MCPH1: variants seen among roughly 807,000 people sequenced by gnomAD.
The protein encoded by MCPH1 is microcephalin 1.
In MCPH1, 104 loss-of-function variants were observed where a neutral mutation model predicts 84.5. The observed-to-expected ratio is 1.23, with a 90% CI of 1.05 to 1.45. MCPH1 has a LOEUF of 1.45. Among genes scored for constraint, MCPH1 ranks in the 40% most tolerant of loss-of-function variants. The pLI, the probability that MCPH1 is intolerant of heterozygous loss-of-function variation, is 0.00. For synonymous variants in MCPH1, 514 were observed against 366.8 expected, an observed-to-expected ratio of 1.40 and a Z score of -4.58; for missense variants, 1,498 against 1,005.7, an observed-to-expected ratio of 1.49 and a Z score of -6.62.
chr8:6,440,319 C>A (rs1803314520), intron 6 of MCPH1, among the ~76,000 whole-genome samples: 2 of 152,070 alleles, frequency 1.3e-5, no homozygotes, highest in South Asian at 2.1e-4. Flanking sequence ...ACTGTTATAA[C>A]CCCTGCATGT....
intron 12 of MCPH1, among the ~76,000 whole-genome samples, chr8:6,610,461 T>G (rs1273227598): frequency 6.6e-6 from 1 of 152,358 alleles, no homozygotes; most frequent in East Asian, 1.9e-4. Context: ...CAACTGTCAT[T>G]GCATGCTGCT....
intron 3 of MCPH1, among the ~76,000 whole-genome samples, chr8:6,418,074 A>T (rs1047706991): frequency 4.6e-5 from 7 of 152,354 alleles, no homozygotes; most frequent in Non-Finnish European, 1.0e-4. Context: ...TTCAGGGGTC[A>T]GCCAGAGACT....
At chr8:6,493,224 A>T (rs1361376884) in intron 11 of MCPH1, among the ~76,000 whole-genome samples, 1 of 152,230 alleles carries the variant, frequency 6.6e-6, no homozygotes, top group Non-Finnish European at 1.5e-5. Flanking sequence ...GCTTAGCTGT[A>T]TTTATAAAGT....
At chr8:6,532,949 G>C (rs1819806890) in intron 12 of MCPH1, among the ~76,000 whole-genome samples, 1 of 152,230 alleles carries the variant, frequency 6.6e-6, no homozygotes, top group Non-Finnish European at 1.5e-5. Context: ...ATAGACTTGA[G>C]AAGACACTCT....
At chr8:6,433,716 C>A (rs993772059) in intron 4 of MCPH1, among the ~76,000 whole-genome samples, 9 of 148,954 alleles carry the variant, frequency 6.0e-5, no homozygotes, top group African/African-American at 2.2e-4. Context: ...TTTTCCTAAT[C>A]TGAAGCATTA....
chr8:6,627,017 T>A, intron 13 of MCPH1: 1 of 985,418 alleles, frequency 1.0e-6, no homozygotes, highest in Non-Finnish European at 1.2e-6. Flanking sequence ...TCCGCCTGAT[T>A]TTCTTATAAC....
intron 9 of MCPH1, among the ~76,000 whole-genome samples, chr8:6,457,162 G>A (rs1200560715): frequency 6.6e-6 from 1 of 152,106 alleles, no homozygotes; most frequent in African/African-American, 2.4e-5. Context: ...TGCCTAACTT[G>A]CTCAAATTTA....
intron 13 of MCPH1, 25 bp from the exon 14 acceptor site, chr8:6,642,969 A>G (rs1350281825): frequency 2.5e-6 from 4 of 1,611,668 alleles, no homozygotes; most frequent in South Asian, 1.1e-5. Context: ...TATGAATGCT[A>G]AACTGCTTTT....
chr8:6,626,520 G>A, intron 13 of MCPH1: 6 of 981,340 alleles, frequency 6.1e-6, no homozygotes, highest in Non-Finnish European at 7.2e-6. Context: ...CTTGTGGGTG[G>A]TTGAACATGG....
At chr8:6,621,722 G>A (rs1443992092) in intron 13 of MCPH1, 31 bp downstream of exon 13, 3 of 1,613,716 alleles carry the variant, frequency 1.9e-6, no homozygotes, top group African/African-American at 2.7e-5. Context: ...ACGCTGTGGT[G>A]TGGTCCAGAT....
At chr8:6,521,841 A>G (rs1211998234) in intron 12 of MCPH1, among the ~76,000 whole-genome samples, 2 of 152,214 alleles carry the variant, frequency 1.3e-5, no homozygotes, top group Non-Finnish European at 2.9e-5. Context: ...AACTATTTAT[A>G]TTTTAATATT....
At chr8:6,451,250 G>A (rs1178200593) in intron 8 of MCPH1, among the ~76,000 whole-genome samples, 2 of 152,140 alleles carry the variant, frequency 1.3e-5, no homozygotes, top group African/African-American at 4.8e-5. Context: ...TTAACAGAAG[G>A]CTATTGACCA....
chr8:6,467,124 A>G (rs534458381), intron 9 of MCPH1, among the ~76,000 whole-genome samples: 1 of 152,352 alleles, frequency 6.6e-6, no homozygotes, highest in South Asian at 2.1e-4. Flanking sequence ...ATTATGAGGT[A>G]TTTAAAATAG....
intron 12 of MCPH1, among the ~76,000 whole-genome samples, chr8:6,617,879 CATCT>C (rs1168600044): frequency 7.5e-5 from 9 of 119,886 alleles, no homozygotes; most frequent in African/African-American, 1.8e-4. Context: ...GTCTATCATC[CATCT>C]ATCTATCTAT....
intron 12 of MCPH1, among the ~76,000 whole-genome samples, chr8:6,620,512 G>A (rs1299069729): frequency 2.0e-5 from 3 of 151,856 alleles, no homozygotes; most frequent in East Asian, 1.9e-4. Context: ...GGACCCCGAC[G>A]TCACCCCACC....
intron 12 of MCPH1, among the ~76,000 whole-genome samples, chr8:6,552,463 C>T (rs1355003644): frequency 6.6e-6 from 1 of 152,150 alleles, no homozygotes; most frequent in African/African-American, 2.4e-5. Flanking sequence ...TTCGAGTAAA[C>T]ATGTGCTTTG....
chr8:6,532,154 T>G (rs1819642174), intron 12 of MCPH1, among the ~76,000 whole-genome samples: 1 of 151,886 alleles, frequency 6.6e-6, no homozygotes, highest in Admixed American at 6.6e-5. Flanking sequence ...AAAAACAGAT[T>G]TACTGATTTT....
chr8:6,460,970 T>C (rs1050692411), intron 9 of MCPH1, among the ~76,000 whole-genome samples: 1 of 152,172 alleles, frequency 6.6e-6, no homozygotes, highest in Non-Finnish European at 1.5e-5. Context: ...AGACGATGGG[T>C]GAATTTTAAC....
chr8:6,413,000 T>A (rs1330911311), intron 2 of MCPH1, among the ~76,000 whole-genome samples: 1 of 152,252 alleles, frequency 6.6e-6, no homozygotes. Context: ...GTATTTACCT[T>A]CATATTTCCA....
Sources: allele counts gnomAD v4.1 joint callset (sites outside exome capture counted in the v4.1 genomes callset), GRCh38; gene constraint gnomAD v4.1.1; transcripts MANE v1.5; gene names NCBI Gene and HGNC (gene_info 2026-07-23, HGNC 2026-07-21).